Variants in CHD7 observed in about 807,000 individuals in gnomAD.
CHD7 encodes ATP-dependent chromatin remodeler CHD7.
Under a neutral mutation model 307.3 loss-of-function variants are expected in CHD7, and 24 were observed. The observed-to-expected ratio is 0.08, with a 90% CI of 0.06 to 0.11. The LOEUF (loss-of-function observed/expected upper bound fraction) is 0.11. Ranked by LOEUF, CHD7 falls within the 10% of genes least tolerant of loss-of-function variation. The pLI is 1.00. For synonymous variants in CHD7, 1,363 were observed against 1,349.9 expected (o/e 1.01, Z -0.21); for missense variants, 3,106 against 3,727.1 (o/e 0.83, Z 4.34).
chr8:60,762,055 C>A (rs1172308241), intron 2 of CHD7, among the ~76,000 whole-genome samples: 2 of 152,150 alleles, frequency 1.3e-5, no homozygotes, highest in African/African-American at 4.8e-5. Context: ...CTCTGCCCCA[C>A]ATTTTTAACC....
intron 1 of CHD7, among the ~76,000 whole-genome samples, chr8:60,690,279 G>A (rs188045219): frequency 2.4e-4 from 37 of 152,082 alleles, no homozygotes; most frequent in African/African-American, 8.0e-4. Flanking sequence ...TTTTGTACAT[G>A]TTTATAGTTT....
At chr8:60,708,854 T>A (rs1482264831) in intron 1 of CHD7, among the ~76,000 whole-genome samples, 1 of 152,188 alleles carries the variant, frequency 6.6e-6, no homozygotes, top group Non-Finnish European at 1.5e-5. Flanking sequence ...TCATTCTAGT[T>A]ATATGGGGGC....
intron 2 of CHD7, among the ~76,000 whole-genome samples, chr8:60,755,323 A>T (rs568732010): frequency 6.6e-6 from 1 of 152,180 alleles, no homozygotes; most frequent in Non-Finnish European, 1.5e-5. Flanking sequence ...CATAAAAAAC[A>T]TTTATGGGCA....
chr8:60,728,213 T>G (rs928052568), intron 1 of CHD7, among the ~76,000 whole-genome samples: 1 of 152,250 alleles, frequency 6.6e-6, no homozygotes, highest in African/African-American at 2.4e-5. Flanking sequence ...CTCTGAAAGC[T>G]GGAACAGATC....
intron 1 of CHD7, among the ~76,000 whole-genome samples, chr8:60,690,091 G>T (rs967338583): frequency 1.3e-5 from 2 of 151,930 alleles, no homozygotes; most frequent in African/African-American, 2.4e-5. Flanking sequence ...ACTGTCTTCC[G>T]CAGTCATACA....
intron 1 of CHD7, among the ~76,000 whole-genome samples, chr8:60,736,404 C>T (rs1386779417): frequency 2.0e-5 from 3 of 152,130 alleles, no homozygotes; most frequent in East Asian, 3.9e-4. Flanking sequence ...GGTCTGTCCA[C>T]CTACCAGTGT....
intron 1 of CHD7, among the ~76,000 whole-genome samples, chr8:60,693,021 G>A (rs1418093665): frequency 6.6e-6 from 1 of 152,186 alleles, no homozygotes; most frequent in Non-Finnish European, 1.5e-5. Context: ...ACAAAAGTGT[G>A]AAACTTCAAG....
At chr8:60,784,713 C>T (rs1334672392) in intron 3 of CHD7, among the ~76,000 whole-genome samples, 1 of 152,092 alleles carries the variant, frequency 6.6e-6, no homozygotes. Flanking sequence ...GCCTTTTTGA[C>T]AACTAAAATA....
chr8:60,838,433 C>T (rs1586420798), intron 19 of CHD7, among the ~76,000 whole-genome samples, 178 bp downstream of exon 19: 2 of 152,304 alleles, frequency 1.3e-5, no homozygotes, highest in South Asian at 4.1e-4. Context: ...CTTCTGTGTA[C>T]CTGCCACTGG....
intron 1 of CHD7, among the ~76,000 whole-genome samples, chr8:60,703,522 C>T (rs1806871412): frequency 6.6e-6 from 1 of 152,204 alleles, no homozygotes; most frequent in Non-Finnish European, 1.5e-5. Flanking sequence ...TCTCCCCCCA[C>T]CACCCAACTG....
chr8:60,810,430 T>TA (rs1314995978), intron 7 of CHD7, among the ~76,000 whole-genome samples: 1 of 151,572 alleles, frequency 6.6e-6, no homozygotes, highest in Non-Finnish European at 1.5e-5. Flanking sequence ...CACACACACT[T>TA]ATCTGTTTAT....
chr8:60,780,853 C>G (rs6471901), intron 2 of CHD7, 147 bp from the exon 3 acceptor site: 2 of 1,002,480 alleles, frequency 2.0e-6, no homozygotes, highest in South Asian at 4.0e-5. Context: ...ATGAGAGAAG[C>G]TGATAGATTC....
chr8:60,775,792 C>T (rs781623956), intron 2 of CHD7, among the ~76,000 whole-genome samples: 3 of 152,218 alleles, frequency 2.0e-5, no homozygotes, highest in Non-Finnish European at 4.4e-5. Flanking sequence ...GAGTCTTGCT[C>T]TGTTGCCTAG....
intron 1 of CHD7, among the ~76,000 whole-genome samples, chr8:60,685,254 G>A (rs1328200633): frequency 1.3e-5 from 2 of 152,214 alleles, no homozygotes; most frequent in Admixed American, 6.5e-5. Context: ...AAAGATATTG[G>A]ACGTGGGGAG....
intron 2 of CHD7, among the ~76,000 whole-genome samples, chr8:60,775,131 A>G (rs1231008935): frequency 1.3e-5 from 2 of 152,080 alleles, no homozygotes; most frequent in African/African-American, 4.8e-5. Context: ...TTAAAACACA[A>G]GCAGAAAGGC....
intron 2 of CHD7, among the ~76,000 whole-genome samples, chr8:60,779,556 A>T (rs1811105133): frequency 6.6e-6 from 1 of 152,202 alleles, no homozygotes; most frequent in Non-Finnish European, 1.5e-5. Context: ...CATCTAGCAA[A>T]CATAACCTAG....
intron 2 of CHD7, among the ~76,000 whole-genome samples, chr8:60,763,858 A>G (rs919943738): frequency 2.0e-5 from 3 of 152,152 alleles, no homozygotes; most frequent in Non-Finnish European, 4.4e-5. Context: ...TCAGTGGAAG[A>G]TAGATAATCA....
intron 23 of CHD7, among the ~76,000 whole-genome samples, chr8:60,847,977 C>T (rs531226487): frequency 1.3e-5 from 2 of 152,074 alleles, no homozygotes; most frequent in African/African-American, 2.4e-5. Context: ...CTTCCTTTCT[C>T]GGAAGCAAAG....
intron 2 of CHD7, among the ~76,000 whole-genome samples, chr8:60,746,043 T>C (rs1047649571): frequency 6.6e-6 from 1 of 152,194 alleles, no homozygotes; most frequent in Non-Finnish European, 1.5e-5. Flanking sequence ...TTTATTTATT[T>C]ATTATTTTTT....
Sources: allele counts gnomAD v4.1 joint callset (sites outside exome capture counted in the v4.1 genomes callset), GRCh38; gene constraint gnomAD v4.1.1; transcripts MANE v1.5; gene names NCBI Gene and HGNC (gene_info 2026-07-23, HGNC 2026-07-21).